The following NECTIN1 variants were observed in gnomAD, a reference collection of about 807,000 sequenced individuals.
NECTIN1 encodes the protein nectin-1.
A neutral mutation model predicts 48.0 loss-of-function variants in NECTIN1; 23 were observed. The ratio of observed to expected loss-of-function variants is 0.48; its 90% CI spans 0.34 to 0.68. NECTIN1 has a LOEUF of 0.68. Among genes scored for constraint, NECTIN1 ranks in the 30% least tolerant of loss-of-function variants. The pLI, the probability that NECTIN1 is intolerant of heterozygous loss-of-function variation, is 0.01. For missense variants in NECTIN1, 591 were observed against 709.9 expected, an observed-to-expected ratio of 0.83 and a Z score of 1.90; for synonymous variants, 270 against 288.9, an observed-to-expected ratio of 0.93 and a Z score of 0.66.
chr11:119,673,530 G>A lies in NECTIN1; in HGVS notation c.1003+1629C>T, dbSNP rs1305137864. On this transcript the variant is annotated intron_variant, in intron 5 of 5. Coordinates refer to ENST00000264025, the MANE Select transcript of NECTIN1 (RefSeq NM_002855.5). This position sits in a 1 kb window ranked among gnomAD's most constrained non-coding sequence, Gnocchi z 5.8. ...CGTAAGAAGCCTGAGACAAGTGTGA[G>A]TATCCCCATATCAGAGGTTAGGAAG... Among the ~76,000 whole-genome samples, 2 of 152,220 alleles carry A rather than the reference G, an allele frequency of 1.3e-5. No individual in the cohort carries two copies. Among genetic ancestry groups the A allele is most frequent in the Non-Finnish European group, 1.5e-5 (1 of 68,040 alleles).
chr11:119,713,777 C>A, intron 1 of NECTIN1: 1 of 451,882 alleles, frequency 2.2e-6, no homozygotes, highest in South Asian at 1.6e-5. Context: ...TCACCCCCCG[C>A]CCTCTGGAGG....
intron 1 of NECTIN1, among the ~76,000 whole-genome samples, chr11:119,699,435 C>G (rs937518207): frequency 1.3e-5 from 2 of 152,182 alleles, no homozygotes; most frequent in Non-Finnish European, 2.9e-5. Flanking sequence ...CTCCCCAGGC[C>G]GGCCACACCC....
downstream of NECTIN1, among the ~76,000 whole-genome samples, chr11:119,657,672 G>A (rs1591443837): frequency 6.7e-6 from 1 of 148,638 alleles, no homozygotes; most frequent in African/African-American, 2.5e-5. Context: ...TAGCACTTTG[G>A]GAGGATTGCT....
rs1041185073 is a variant in NECTIN1, at chr11:119,673,917, G to A, written c.1003+1242C>T. ...TGCTCCTCCTCCTATGACTAGTCTC[G>A]GGGCCAAGGCCAGGGATTGCAGACA... On this transcript the variant is annotated intron_variant, in intron 5 of 5. Transcript: ENST00000264025. This position sits in a 1 kb window ranked among gnomAD's most constrained non-coding sequence, Gnocchi z 5.8. Among the ~76,000 whole-genome samples, 8 of 152,156 alleles carry A rather than the reference G, an allele frequency of 5.3e-5. No homozygotes were observed. Among genetic ancestry groups the A allele is most frequent in the African/African-American group, 1.2e-4 (5 of 41,426 alleles).
intron 5 of NECTIN1, among the ~76,000 whole-genome samples, chr11:119,650,297 G>A (rs1213050697): frequency 6.6e-6 from 1 of 152,216 alleles, no homozygotes; most frequent in Non-Finnish European, 1.5e-5. Context: ...GGGCTCAGAG[G>A]CTTGACAGAG....
chr11:119,720,156 C>A (rs1296015952), intron 1 of NECTIN1, among the ~76,000 whole-genome samples: 1 of 152,180 alleles, frequency 6.6e-6, no homozygotes, highest in African/African-American at 2.4e-5. Context: ...ACCATCCTCC[C>A]CTGCAGTGGG....
intron 1 of NECTIN1, among the ~76,000 whole-genome samples, chr11:119,692,839 C>T (rs1865281405): frequency 6.6e-6 from 1 of 152,220 alleles, no homozygotes; most frequent in Non-Finnish European, 1.5e-5. Flanking sequence ...TCACCACACT[C>T]ATAGCTCCAC....
chr11:119,708,596 G>A (rs878862055), intron 1 of NECTIN1, among the ~76,000 whole-genome samples: 1 of 150,666 alleles, frequency 6.6e-6, no homozygotes, highest in Admixed American at 6.6e-5. Flanking sequence ...AAGTAGATGA[G>A]TGGTTGTCAG....
chr11:119,715,052 G>A (rs1305027996), intron 1 of NECTIN1, among the ~76,000 whole-genome samples: 1 of 152,206 alleles, frequency 6.6e-6, no homozygotes, highest in Non-Finnish European at 1.5e-5. Context: ...CAGGGGGAAG[G>A]GGGAGCTGGG....
chr11:119,677,032 G>T lies in NECTIN1; in HGVS notation c.851+70C>A. 1 of 1,325,504 alleles carries T rather than the reference G, an allele frequency of 7.5e-7. No homozygotes were observed. Among genetic ancestry groups the T allele is most frequent in the Non-Finnish European group, 1.1e-6 (1 of 917,450 alleles). 82.1% of individuals were successfully genotyped at this position (1,325,504 alleles called of 1,614,324 possible). On this transcript the variant is annotated intron_variant, in intron 4 of 5. Transcript: ENST00000264025. This position sits in a 1 kb window ranked among gnomAD's most constrained non-coding sequence, Gnocchi z 5.4. ...GCCTAAAGGCTCCTGGAGGTAGGAT[G>T]GTTGCCCCTCATCACCCGTGGTCCA... is the stretch of plus-strand genomic sequence containing the variant.
chr11:119,647,551 C>A (rs907282343), intron 5 of NECTIN1, among the ~76,000 whole-genome samples: 1 of 151,934 alleles, frequency 6.6e-6, no homozygotes, highest in Non-Finnish European at 1.5e-5. Context: ...CTGTCACACA[C>A]CCAGCCTGCC....
chr11:119,711,835 T>G (rs1342270527), intron 1 of NECTIN1, among the ~76,000 whole-genome samples: 1 of 152,202 alleles, frequency 6.6e-6, no homozygotes, highest in Non-Finnish European at 1.5e-5. Flanking sequence ...GACCAGTGTT[T>G]TCTCAACTGG....
At position 119,649,379 on chromosome 11, in the gene NECTIN1, C is replaced by CAAA. The variant is rs559894952; in HGVS notation, c.1004-9370_1004-9368dup. 2.7e-4 allele frequency among the ~76,000 whole-genome samples: 34 copies of CAAA among 126,644 alleles called. 1 individual carries two copies. The South Asian group carries it at 8.4e-3, about 31-fold the overall frequency. The allele number at this position is 126,644 out of a possible 152,430, so 83.1% of individuals were successfully genotyped here. On this transcript the variant is annotated intron_variant, in intron 5 of 7. Transcript: ENST00000341398. Reference sequence around the variant, plus strand: ...CTGACAACAGAGTGAGACTCCATCTCAAAAAAAAAAAAGAAAAAGAAAAAA... The same window carrying CAAA: ...CTGACAACAGAGTGAGACTCCATCTCAAAAAAAAAAAAAAAGAAAAAGAAAAAA...
At chr11:119,717,958 C>T (rs1463093454) in intron 1 of NECTIN1, among the ~76,000 whole-genome samples, 1 of 152,264 alleles carries the variant, frequency 6.6e-6, no homozygotes, top group Non-Finnish European at 1.5e-5. Flanking sequence ...GTCTGGGCCA[C>T]AGAGGCCGCG....
At chr11:119,696,359 C>T (rs1281883010) in intron 1 of NECTIN1, among the ~76,000 whole-genome samples, 2 of 152,196 alleles carry the variant, frequency 1.3e-5, no homozygotes, top group Admixed American at 1.3e-4. Flanking sequence ...AGCTAGACTT[C>T]AGCATCGAAG....
At chr11:119,667,114 G>A (rs369318382) in intron 5 of NECTIN1, among the ~76,000 whole-genome samples, 5 of 152,116 alleles carry the variant, frequency 3.3e-5, no homozygotes, top group Non-Finnish European at 7.4e-5. Flanking sequence ...GCCTGTCTCC[G>A]CAGCAGCCTC....
At chr11:119,724,101 T>C (rs1275570096) in intron 1 of NECTIN1, among the ~76,000 whole-genome samples, 4 of 152,234 alleles carry the variant, frequency 2.6e-5, no homozygotes, top group Non-Finnish European at 1.5e-5. Context: ...AGGGCCCTCA[T>C]GGAGGACCAA....
chr11:119,646,002 C>T (rs1169798993), intron 5 of NECTIN1, among the ~76,000 whole-genome samples: 7 of 152,204 alleles, frequency 4.6e-5, no homozygotes, highest in African/African-American at 9.6e-5. Flanking sequence ...AGGTGGCCTT[C>T]GGTGGGCTCT....
intron 1 of NECTIN1, among the ~76,000 whole-genome samples, chr11:119,686,681 C>T (rs533773616): frequency 2.0e-5 from 3 of 152,182 alleles, no homozygotes; most frequent in South Asian, 2.1e-4. Context: ...GCTGCCTCGG[C>T]GAAAACCGCA....
Sources: gnomAD v4.1 joint callset for allele counts (sites outside exome capture counted in the v4.1 genomes callset) on GRCh38, gnomAD v4.1.1 for gene constraint, Gnocchi (gnomAD v3.1) non-coding constraint, MANE v1.5 for transcripts, NCBI Gene and HGNC (gene_info 2026-07-23, HGNC 2026-07-21) for gene names.